Variants in IFT25 observed in about 807,000 individuals in gnomAD.
IFT25 encodes intraflagellar transport 25, also known as intraflagellar transport protein 25 homolog.
chr1:53,919,682 A>G, the IFT25 span, among the ~76,000 whole-genome samples: 7 of 152,340 alleles, frequency 4.6e-5, no homozygotes, highest in Admixed American at 3.3e-4. Flanking sequence ...TTAATAAATC[A>G]ATAGATTCAG....
chr1:53,921,913 T>C, the IFT25 span: 2 of 589,990 alleles, frequency 3.4e-6, no homozygotes, highest in Non-Finnish European at 3.0e-6. Context: ...ATAGTTGTGG[T>C]ACATATCAGC....
chr1:53,941,148 C>T, the IFT25 span, among the ~76,000 whole-genome samples: 142 of 152,240 alleles, frequency 9.3e-4, no homozygotes, highest in Non-Finnish European at 1.7e-3. Flanking sequence ...GCAACAGCCA[C>T]CACGCCCAGC....
At chr1:53,942,595 A>C in the IFT25 span, among the ~76,000 whole-genome samples, 2 of 152,202 alleles carry the variant, frequency 1.3e-5, no homozygotes, top group African/African-American at 4.8e-5. Context: ...GATCTGATAA[A>C]ACATATAGGT....
chr1:53,913,587 G>A, the IFT25 span, among the ~76,000 whole-genome samples: 1 of 152,068 alleles, frequency 6.6e-6, no homozygotes, highest in Non-Finnish European at 1.5e-5. Flanking sequence ...TTTGAGATGG[G>A]GCTCAGGGAA....
At chr1:53,928,642 G>A in the IFT25 span, 18 of 526,486 alleles carry the variant, frequency 3.4e-5, 1 homozygote, top group South Asian at 4.8e-4. Context: ...TCTTCCAAAT[G>A]TTCGCAACCA....
At chr1:53,922,264 C>A in the IFT25 span, among the ~76,000 whole-genome samples, 1 of 152,016 alleles carries the variant, frequency 6.6e-6, no homozygotes, top group Non-Finnish European at 1.5e-5. Flanking sequence ...CGTGGTGGCA[C>A]GCACCTGTAA....
the IFT25 span, among the ~76,000 whole-genome samples, chr1:53,927,325 T>C: frequency 1.3e-5 from 2 of 152,228 alleles, no homozygotes; most frequent in Admixed American, 1.3e-4. Flanking sequence ...GCCATTTAGT[T>C]TCTCCAAAGA....
At chr1:53,935,630 CT>C in the IFT25 span, among the ~76,000 whole-genome samples, 14,593 of 142,910 alleles carry the variant, frequency 0.1, 707 homozygotes, top group Middle Eastern at 0.12. Flanking sequence ...GCCAGAACTA[CT>C]TTTTTTTTTT....
chr1:53,918,685 G>T, the IFT25 span, among the ~76,000 whole-genome samples: 1 of 152,186 alleles, frequency 6.6e-6, no homozygotes, highest in Non-Finnish European at 1.5e-5. Flanking sequence ...GAAAATGGAG[G>T]TTATCTCTAG....
the IFT25 span, chr1:53,916,482 G>A: frequency 1.3e-5 from 2 of 153,848 alleles, no homozygotes; most frequent in East Asian, 3.8e-4. Flanking sequence ...AACCTCTGGA[G>A]ATCCCTTTTA....
At chr1:53,928,191 T>C in the IFT25 span, among the ~76,000 whole-genome samples, 4 of 152,330 alleles carry the variant, frequency 2.6e-5, no homozygotes, top group South Asian at 2.1e-4. Context: ...TTAATACTTA[T>C]ATAACCAGTA....
At chr1:53,942,722 A>G in the IFT25 span, among the ~76,000 whole-genome samples, 3 of 152,244 alleles carry the variant, frequency 2.0e-5, no homozygotes, top group Admixed American at 6.5e-5. Context: ...TTTGAACACC[A>G]ATTGAACAAA....
chr1:53,945,716 G>C, the IFT25 span: 1 of 150,474 alleles, frequency 6.6e-6, no homozygotes, highest in South Asian at 2.1e-4. Flanking sequence ...TTCGCGCCAC[G>C]CCTCCCACAA....
chr1:53,922,321 G>A, the IFT25 span, among the ~76,000 whole-genome samples: 2 of 151,636 alleles, frequency 1.3e-5, no homozygotes, highest in Non-Finnish European at 2.9e-5. Context: ...TTGAACCCGG[G>A]AGGCAGAGAT....
At chr1:53,924,034 T>G in the IFT25 span, 1 of 826,682 alleles carries the variant, frequency 1.2e-6, no homozygotes, top group Non-Finnish European at 2.0e-6. Context: ...CAAAATATGA[T>G]ATCTGGTAAA....
the IFT25 span, among the ~76,000 whole-genome samples, chr1:53,935,848 T>G: frequency 6.6e-6 from 1 of 152,166 alleles, no homozygotes; most frequent in Admixed American, 6.5e-5. Context: ...TTCATATTTA[T>G]ATTATTTTAA....
chr1:53,928,529 T>C, the IFT25 span: 4 of 911,664 alleles, frequency 4.4e-6, no homozygotes, highest in Admixed American at 7.7e-5. Flanking sequence ...GAGATTATCA[T>C]GCACAGTGGA....
chr1:53,922,016 C>T, the IFT25 span, among the ~76,000 whole-genome samples: 1 of 152,240 alleles, frequency 6.6e-6, no homozygotes, highest in African/African-American at 2.4e-5. Context: ...CCGTGTTGCC[C>T]AGGCTGGTCT....
At chr1:53,945,068 G>T in the IFT25 span, among the ~76,000 whole-genome samples, 1 of 152,066 alleles carries the variant, frequency 6.6e-6, no homozygotes, top group East Asian at 1.9e-4. Context: ...CCAGGGCCAC[G>T]GCTTCCAAGG....
Sources: allele counts gnomAD v4.1 joint callset (sites outside exome capture counted in the v4.1 genomes callset), GRCh38; gene constraint gnomAD v4.1.1; transcripts MANE v1.5; gene names NCBI Gene and HGNC (gene_info 2026-07-23, HGNC 2026-07-21).